Variants in LGSN observed in about 807,000 individuals in gnomAD.
LGSN encodes the protein lengsin, lens protein with glutamine synthetase domain.
In LGSN, 21 loss-of-function variants were observed where a neutral mutation model predicts 19.5. The ratio of observed to expected loss-of-function variants is 1.07; its 90% confidence interval spans 0.76 to 1.55. The LOEUF is 1.55. Ranked by LOEUF, LGSN falls within the 40% of genes most tolerant of loss-of-function variation. The probability of loss-of-function intolerance (pLI) is 0.00; values close to 1 mark genes in which losing one functional copy is unlikely to be tolerated. For synonymous variants in LGSN, 257 were observed against 215.6 expected (o/e 1.19, Z -1.68); for missense variants, 673 against 608.5 (o/e 1.11, Z -1.12).
the LGSN span, among the ~76,000 whole-genome samples, chr6:63,326,017 G>A: frequency 7.9e-5 from 12 of 152,024 alleles, no homozygotes; most frequent in African/African-American, 2.9e-4. Flanking sequence ...CTGATTGGTG[G>A]GTTTACAATC....
chr6:63,360,481 T>A, the LGSN span, among the ~76,000 whole-genome samples: 1 of 152,252 alleles, frequency 6.6e-6, no homozygotes, highest in East Asian at 1.9e-4. Context: ...ATTCATCACA[T>A]AGTTCTCGTG....
At chr6:63,496,453 A>G in the LGSN span, among the ~76,000 whole-genome samples, 1 of 152,230 alleles carries the variant, frequency 6.6e-6, no homozygotes, top group Non-Finnish European at 1.5e-5. Flanking sequence ...ACAAGGTTGC[A>G]TATAGCTGTG....
chr6:63,408,552 C>G, the LGSN span, among the ~76,000 whole-genome samples: 601 of 145,380 alleles, frequency 4.1e-3, 5 homozygotes, highest in Middle Eastern at 0.024. Flanking sequence ...AAGACTTAAA[C>G]GTTAGACCTA....
chr6:63,472,722 T>A, the LGSN span, among the ~76,000 whole-genome samples: 1 of 151,712 alleles, frequency 6.6e-6, no homozygotes. Flanking sequence ...GGGCAGATCA[T>A]GAGGACAGGA....
chr6:63,522,883 G>A, the LGSN span, among the ~76,000 whole-genome samples: 1 of 58,600 alleles, frequency 1.7e-5, no homozygotes, highest in African/African-American at 6.6e-5. Context: ...TTTTTTTTTT[G>A]AGACAGAGTC....
chr6:63,276,924 A>C lies in LGSN; in HGVS notation c.*3097T>G, dbSNP rs1436726278. ...CTACCCCAATTTGTCTTTGGCCCTGAACTCTGCTGGCCAATGCCTCTTTTT... is the reference window on the plus strand; with the variant it reads ...CTACCCCAATTTGTCTTTGGCCCTGCACTCTGCTGGCCAATGCCTCTTTTT... On this transcript the variant is annotated 3_prime_UTR_variant, in exon 4 of 4. Coordinates refer to ENST00000370657, the MANE Select transcript of LGSN (RefSeq NM_016571.3). The C allele has an allele frequency of 6.6e-6, 1 of 152,222 alleles. No individual in the cohort carries two copies. Among genetic ancestry groups the C allele is most frequent in the Non-Finnish European group, 1.5e-5 (1 of 68,032 alleles). The allele number at this position is 152,222 out of a possible 1,614,324, so 9.4% of individuals were successfully genotyped here. A position where few individuals can be genotyped will look rare whatever the true frequency, so the allele number is the denominator to read the frequency against.
At chr6:63,448,928 A>G in the LGSN span, among the ~76,000 whole-genome samples, 2 of 152,350 alleles carry the variant, frequency 1.3e-5, no homozygotes, top group East Asian at 3.9e-4. Context: ...AACAAAAAAT[A>G]CAAATTTTTA....
chr6:63,363,153 C>T, the LGSN span, among the ~76,000 whole-genome samples: 20 of 151,834 alleles, frequency 1.3e-4, no homozygotes, highest in Admixed American at 1.3e-4. Flanking sequence ...AGAAGGAAAA[C>T]TAACAAACAT....
At chr6:63,523,177 T>C in the LGSN span, among the ~76,000 whole-genome samples, 3 of 152,092 alleles carry the variant, frequency 2.0e-5, no homozygotes, top group Non-Finnish European at 4.4e-5. Context: ...AATCACTCTT[T>C]TATTTTTTTT....
chr6:63,570,413 T>A, the LGSN span, among the ~76,000 whole-genome samples: 3 of 152,324 alleles, frequency 2.0e-5, no homozygotes, highest in East Asian at 3.9e-4. Flanking sequence ...GTTACTTTCA[T>A]AGTAGGATAA....
the LGSN span, among the ~76,000 whole-genome samples, chr6:63,437,788 G>T: frequency 1.3e-5 from 2 of 152,136 alleles, no homozygotes; most frequent in Non-Finnish European, 2.9e-5. Context: ...AAATGAGCCA[G>T]GTGTGGTGGT....
the LGSN span, among the ~76,000 whole-genome samples, chr6:63,558,902 G>T: frequency 1.3e-5 from 2 of 152,168 alleles, no homozygotes; most frequent in South Asian, 2.1e-4. Context: ...TAGGATTGTT[G>T]TAAGAGTTAG....
the LGSN span, among the ~76,000 whole-genome samples, chr6:63,497,374 G>A: frequency 6.6e-6 from 1 of 152,016 alleles, no homozygotes; most frequent in Non-Finnish European, 1.5e-5. Flanking sequence ...CATGGTGAAA[G>A]CCCGTCTCTA....
the LGSN span, among the ~76,000 whole-genome samples, chr6:63,522,519 A>G: frequency 1.3e-5 from 2 of 152,242 alleles, no homozygotes; most frequent in African/African-American, 4.8e-5. Flanking sequence ...TTTAGTAAGC[A>G]AAGAGAGCAA....
At chr6:63,295,377 A>G (rs1311625617) in intron 1 of LGSN, among the ~76,000 whole-genome samples, 1 of 152,156 alleles carries the variant, frequency 6.6e-6, no homozygotes, top group Admixed American at 6.5e-5. Flanking sequence ...ATAATTTTGC[A>G]AAACCTATTT....
the LGSN span, among the ~76,000 whole-genome samples, chr6:63,355,010 G>A: frequency 6.6e-6 from 1 of 152,022 alleles, no homozygotes; most frequent in East Asian, 1.9e-4. Flanking sequence ...TGGGTGTAGG[G>A]GAGGAAAAAG....
At chr6:63,519,548 G>A in the LGSN span, among the ~76,000 whole-genome samples, 4 of 152,148 alleles carry the variant, frequency 2.6e-5, no homozygotes, top group Non-Finnish European at 5.9e-5. Context: ...CACTAATAAG[G>A]GTAAAGACAC....
At chr6:63,432,760 T>C in the LGSN span, among the ~76,000 whole-genome samples, 1 of 151,930 alleles carries the variant, frequency 6.6e-6, no homozygotes, top group African/African-American at 2.4e-5. Flanking sequence ...TACTGGGACT[T>C]AGGTTAAAGA....
At position 63,303,386 on chromosome 6, in the gene LGSN, A is replaced by C. The variant is rs1234813024; in HGVS notation, c.31-8341T>G. 2.0e-5 allele frequency among the ~76,000 whole-genome samples: 3 copies of C among 152,226 alleles called. 1 individual carries two copies. The highest frequency in any genetic ancestry group is 7.2e-5 in the African/African-American group (3 of 41,466). Reference sequence around the variant, plus strand: ...TCTCTCATGGAACATTCCTAGAGAAATCTCCAACAATAAAGGTACTTGTTT... The same window carrying C: ...TCTCTCATGGAACATTCCTAGAGAACTCTCCAACAATAAAGGTACTTGTTT... On this transcript the variant is annotated intron_variant, in intron 1 of 3. Coordinates refer to ENST00000370657, the MANE Select transcript of LGSN (RefSeq NM_016571.3).
Sources: allele counts gnomAD v4.1 joint callset (sites outside exome capture counted in the v4.1 genomes callset), GRCh38; gene constraint gnomAD v4.1.1; transcripts MANE v1.5; gene names NCBI Gene and HGNC (gene_info 2026-07-23, HGNC 2026-07-21).